SGCZ: variants seen among roughly 807,000 people sequenced by gnomAD.
SGCZ encodes zeta-sarcoglycan.
A neutral mutation model predicts 41.3 loss-of-function variants in SGCZ; 40 were observed. The ratio of observed to expected loss-of-function variants is 0.97; its 90% CI spans 0.75 to 1.26. SGCZ has a LOEUF of 1.26. SGCZ is among the 50% of genes most tolerant of loss of function. SGCZ has a pLI of 0.00. For missense variants in SGCZ, 552 were observed against 369.8 expected, an observed-to-expected ratio of 1.49 and a Z score of -4.04; for synonymous variants, 206 against 137.5, an observed-to-expected ratio of 1.50 and a Z score of -3.49.
At chr8:14,354,358 A>G (rs1035229566) in intron 2 of SGCZ, among the ~76,000 whole-genome samples, 1 of 151,938 alleles carries the variant, frequency 6.6e-6, no homozygotes, top group Non-Finnish European at 1.5e-5. Context: ...AAACAAGAAA[A>G]GCGTAGAAAA....
At chr8:15,129,650 C>A (rs750493821) in intron 1 of SGCZ, among the ~76,000 whole-genome samples, 3 of 135,156 alleles carry the variant, frequency 2.2e-5, no homozygotes, top group Non-Finnish European at 4.6e-5. Context: ...GAAATAGAGG[C>A]GTGTAAGTGC....
At chr8:14,470,912 T>C (rs559836222) in intron 2 of SGCZ, among the ~76,000 whole-genome samples, 1 of 152,266 alleles carries the variant, frequency 6.6e-6, no homozygotes, top group East Asian at 1.9e-4. Flanking sequence ...ACAATTTTAC[T>C]TGCTTATCAG....
At chr8:14,400,717 T>C (rs751202329) in intron 2 of SGCZ, among the ~76,000 whole-genome samples, 60 of 152,084 alleles carry the variant, frequency 3.9e-4, no homozygotes, top group Non-Finnish European at 6.5e-4. Context: ...TTCTTGAGTC[T>C]GTGTTTTTAA....
At chr8:14,882,251 G>A (rs769078758) in intron 1 of SGCZ, among the ~76,000 whole-genome samples, 39 of 152,046 alleles carry the variant, frequency 2.6e-4, no homozygotes, top group East Asian at 5.8e-4. Flanking sequence ...TTCAGAAGCC[G>A]GAACAGAAGT....
At chr8:15,056,164 A>T (rs1184929229) in intron 1 of SGCZ, among the ~76,000 whole-genome samples, 1 of 152,190 alleles carries the variant, frequency 6.6e-6, no homozygotes, top group Non-Finnish European at 1.5e-5. Context: ...CAGATCAAGA[A>T]TTGCTGTTTA....
At position 15,063,460 on chromosome 8, in the gene SGCZ, G is replaced by A. The variant is rs116332101; in HGVS notation, c.39+174125C>T. Among the ~76,000 whole-genome samples the A allele has an allele frequency of 2.0e-5, 3 of 152,196 alleles. No individual in the cohort carries two copies. In the East Asian group the frequency reaches 5.8e-4, roughly 29 times the overall value. On this transcript the variant is annotated intron_variant, in intron 1 of 7. Transcript: ENST00000382080. Reference sequence around the variant, plus strand: ...TATTAAAGTGAGACAAAATAATTCAGAAACTCGACTAACAAATCATTTGGC... The same window carrying A: ...TATTAAAGTGAGACAAAATAATTCAAAAACTCGACTAACAAATCATTTGGC...
At chr8:14,125,307 T>C (rs569917848) in intron 5 of SGCZ, among the ~76,000 whole-genome samples, 90 of 152,096 alleles carry the variant, frequency 5.9e-4, no homozygotes, top group African/African-American at 2.1e-3. Context: ...ATCAAGACCA[T>C]CCTGGCTAAC....
intron 2 of SGCZ, among the ~76,000 whole-genome samples, chr8:14,388,131 G>A (rs576733055): frequency 6.6e-6 from 1 of 152,182 alleles, no homozygotes; most frequent in South Asian, 2.1e-4. Flanking sequence ...TTAAGCAACT[G>A]GAAGTTTGGT....
At chr8:14,592,467 T>G (rs1055862973) in intron 1 of SGCZ, among the ~76,000 whole-genome samples, 13 of 152,156 alleles carry the variant, frequency 8.5e-5, no homozygotes, top group African/African-American at 3.1e-4. Context: ...AATGTAATTC[T>G]TTCTTAATTT....
chr8:14,093,854 C>CAAATGGA (rs1801762123), intron 7 of SGCZ, among the ~76,000 whole-genome samples: 1 of 152,060 alleles, frequency 6.6e-6, no homozygotes, highest in Non-Finnish European at 1.5e-5. Flanking sequence ...AACAGTTATA[C>CAAATGGA]TTTTCTCTAT....
chr8:15,090,952 T>C (rs571215086), intron 1 of SGCZ, among the ~76,000 whole-genome samples: 1 of 152,304 alleles, frequency 6.6e-6, no homozygotes, highest in African/African-American at 2.4e-5. Context: ...GATTTTTCCT[T>C]GAACAATTGA....
chr8:14,621,203 C>T (rs559922405), intron 1 of SGCZ, among the ~76,000 whole-genome samples: 108 of 148,000 alleles, frequency 7.3e-4, no homozygotes, highest in African/African-American at 2.4e-3. Context: ...AAACCAAAAC[C>T]GCATGTTCTC....
At chr8:14,622,776 A>T (rs1296479667) in intron 1 of SGCZ, among the ~76,000 whole-genome samples, 2 of 152,188 alleles carry the variant, frequency 1.3e-5, no homozygotes, top group African/African-American at 4.8e-5. Context: ...TGCCAATAAT[A>T]AATCAAAATA....
At chr8:14,182,277 G>T (rs1347186472) in intron 4 of SGCZ, among the ~76,000 whole-genome samples, 1 of 152,170 alleles carries the variant, frequency 6.6e-6, no homozygotes, top group African/African-American at 2.4e-5. Flanking sequence ...GCTGTGCAGT[G>T]AGCCAAGGCC....
chr8:14,451,166 C>A (rs1800581980), intron 2 of SGCZ, among the ~76,000 whole-genome samples: 1 of 152,140 alleles, frequency 6.6e-6, no homozygotes, highest in Non-Finnish European at 1.5e-5. Flanking sequence ...ATAAACCAGC[C>A]TCTCTCTTTT....
At chr8:14,383,657 C>CA (rs1167520183) in intron 2 of SGCZ, among the ~76,000 whole-genome samples, 3 of 152,078 alleles carry the variant, frequency 2.0e-5, no homozygotes, top group African/African-American at 7.2e-5. Flanking sequence ...TGAGAAGTGA[C>CA]AAAAAAATGT....
At chr8:14,919,144 T>A (rs1477124773) in intron 1 of SGCZ, among the ~76,000 whole-genome samples, 1 of 152,108 alleles carries the variant, frequency 6.6e-6, no homozygotes, top group Non-Finnish European at 1.5e-5. Flanking sequence ...GCTTGTTAAA[T>A]AAATACAATT....
intron 2 of SGCZ, among the ~76,000 whole-genome samples, chr8:14,371,807 TTTG>T (rs1803919119): frequency 6.6e-6 from 1 of 152,138 alleles, no homozygotes; most frequent in African/African-American, 2.4e-5. Flanking sequence ...CTTTACATTA[TTTG>T]TTGTACACAT....
At chr8:15,029,460 G>A (rs911635009) in intron 1 of SGCZ, among the ~76,000 whole-genome samples, 1 of 152,028 alleles carries the variant, frequency 6.6e-6, no homozygotes, top group Admixed American at 6.6e-5. Context: ...AGATAAATTA[G>A]CTTGGGCCCT....
Sources: gnomAD v4.1 joint callset for allele counts (sites outside exome capture counted in the v4.1 genomes callset) on GRCh38, gnomAD v4.1.1 for gene constraint, MANE v1.5 for transcripts, NCBI Gene and HGNC (gene_info 2026-07-23, HGNC 2026-07-21) for gene names.